Variants in MAN1A2 observed in about 807,000 individuals in gnomAD.
The protein encoded by MAN1A2 is mannosidase alpha class 1A member 2.
A neutral mutation model predicts 75.7 loss-of-function variants in MAN1A2; 26 were observed. The ratio of observed to expected loss-of-function variants is 0.34; its 90% CI spans 0.25 to 0.48. The LOEUF (loss-of-function observed/expected upper bound fraction) is 0.48. MAN1A2 is among the 20% of genes least tolerant of loss of function. The pLI, the probability that MAN1A2 is intolerant of heterozygous loss-of-function variation, is 0.99. For synonymous variants in MAN1A2, 247 were observed against 264.6 expected (o/e 0.93, Z 0.65); for missense variants, 562 against 775.5 (o/e 0.72, Z 3.27).
chr1:117,461,874 A>G (rs1427727553), intron 7 of MAN1A2, among the ~76,000 whole-genome samples: 1 of 152,160 alleles, frequency 6.6e-6, no homozygotes, highest in African/African-American at 2.4e-5. Context: ...ACTCGAAAAG[A>G]CACTTCTAGA....
intron 10 of MAN1A2, among the ~76,000 whole-genome samples, chr1:117,498,673 T>G (rs1471984341): frequency 5.3e-5 from 8 of 151,930 alleles, no homozygotes; most frequent in Non-Finnish European, 1.0e-4. Flanking sequence ...AAAAAATGAT[T>G]ATTTGATTTG....
At chr1:117,491,384 C>T (rs573703869) in intron 8 of MAN1A2, among the ~76,000 whole-genome samples, 1 of 152,132 alleles carries the variant, frequency 6.6e-6, no homozygotes, top group African/African-American at 2.4e-5. Flanking sequence ...GTAAATGGAA[C>T]AACAAAGTTC....
At chr1:117,501,787 G>T (rs1651209786) in intron 11 of MAN1A2, among the ~76,000 whole-genome samples, 1 of 151,694 alleles carries the variant, frequency 6.6e-6, no homozygotes, top group South Asian at 2.1e-4. Flanking sequence ...GGAAGGAGAA[G>T]CCCAGAAGAG....
intron 1 of MAN1A2, among the ~76,000 whole-genome samples, chr1:117,392,200 G>A (rs1653743561): frequency 6.6e-6 from 1 of 151,960 alleles, no homozygotes; most frequent in African/African-American, 2.4e-5. Context: ...AGGCTGCATT[G>A]TTAGCTCAAT....
intron 1 of MAN1A2, among the ~76,000 whole-genome samples, chr1:117,387,960 C>A (rs1653591410): frequency 6.7e-6 from 1 of 149,704 alleles, no homozygotes; most frequent in Admixed American, 6.6e-5. Flanking sequence ...CCAAGGCCCC[C>A]CACCCCCCGC....
intron 4 of MAN1A2, among the ~76,000 whole-genome samples, chr1:117,418,428 G>A (rs1199951524): frequency 6.6e-6 from 1 of 152,046 alleles, no homozygotes; most frequent in Non-Finnish European, 1.5e-5. Flanking sequence ...GAGACCCAAG[G>A]GGAGCCATGT....
chr1:117,387,216 T>G (rs1416922220), intron 1 of MAN1A2, among the ~76,000 whole-genome samples: 1 of 125,550 alleles, frequency 8.0e-6, no homozygotes. Context: ...ATGGCTGTTG[T>G]AAAAAAAAAA....
chr1:117,430,189 G>A (rs1648573569), intron 5 of MAN1A2, among the ~76,000 whole-genome samples: 1 of 93,746 alleles, frequency 1.1e-5, no homozygotes, highest in Non-Finnish European at 2.2e-5. Context: ...CCCGGACGGG[G>A]CGGCTGGCCG....
At chr1:117,491,210 A>G (rs1000787056) in intron 8 of MAN1A2, among the ~76,000 whole-genome samples, 7 of 152,088 alleles carry the variant, frequency 4.6e-5, no homozygotes, top group Admixed American at 2.0e-4. Flanking sequence ...AGAAGATGCC[A>G]TCTCATAGAT....
At chr1:117,437,529 A>G (rs980474169) in intron 5 of MAN1A2, among the ~76,000 whole-genome samples, 3 of 152,140 alleles carry the variant, frequency 2.0e-5, no homozygotes, top group African/African-American at 7.2e-5. Context: ...TTAAGATTAG[A>G]TAATGCAAGG....
intron 6 of MAN1A2, among the ~76,000 whole-genome samples, chr1:117,458,765 C>T (rs993008435): frequency 6.6e-6 from 1 of 151,842 alleles, no homozygotes; most frequent in South Asian, 2.1e-4. Context: ...CTCAGGTAAT[C>T]TGCCCACCTC....
At chr1:117,494,123 A>T (rs905759249) in intron 9 of MAN1A2, 3 of 152,088 alleles carry the variant, frequency 2.0e-5, no homozygotes, top group African/African-American at 7.2e-5. Flanking sequence ...CATTGCTGGT[A>T]ATTGATGGGG....
intron 12 of MAN1A2, among the ~76,000 whole-genome samples, chr1:117,514,492 C>T (rs567960386): frequency 6.4e-4 from 98 of 152,160 alleles, no homozygotes; most frequent in Non-Finnish European, 1.2e-3. Context: ...AGTTTTAATT[C>T]TCTTTTTTAC....
intron 1 of MAN1A2, among the ~76,000 whole-genome samples, chr1:117,390,515 T>A (rs908656029): frequency 3.3e-5 from 5 of 152,028 alleles, no homozygotes; most frequent in Non-Finnish European, 5.9e-5. Context: ...TTTTCCCTTC[T>A]CGTCATTATT....
At chr1:117,418,549 A>G (rs7512060) in intron 4 of MAN1A2, among the ~76,000 whole-genome samples, 7 of 151,974 alleles carry the variant, frequency 4.6e-5, no homozygotes, top group African/African-American at 1.5e-4. Context: ...GTTTAATTTT[A>G]AAAAGGCAAT....
rs1232289253 is a variant in MAN1A2 at position 117,523,234 on chromosome 1, A to G, written c.*277A>G. On this transcript the variant is annotated 3_prime_UTR_variant, in exon 13 of 13. Transcript: ENST00000356554. ...CACATGAGAAATGATACCTGTTACTACTGTATTGTTTTTAGAGTCCTGAAG... is the reference window on the plus strand; with the variant it reads ...CACATGAGAAATGATACCTGTTACTGCTGTATTGTTTTTAGAGTCCTGAAG... The G allele has an allele frequency of 7.2e-6, 4 of 558,160 alleles. No individual in the cohort carries two copies. Among genetic ancestry groups the G allele is most frequent in the African/African-American group, 1.9e-5 (1 of 53,082 alleles). The allele number at this position is 558,160 out of a possible 1,614,324, so 34.6% of individuals were successfully genotyped here.
intron 5 of MAN1A2, among the ~76,000 whole-genome samples, chr1:117,441,783 T>C (rs1649041279): frequency 6.6e-6 from 1 of 152,176 alleles, no homozygotes; most frequent in African/African-American, 2.4e-5. Context: ...TTTTCTTTCC[T>C]TTTCTATCAT....
At chr1:117,372,247 G>A (rs1355950632) in intron 1 of MAN1A2, among the ~76,000 whole-genome samples, 2 of 152,160 alleles carry the variant, frequency 1.3e-5, no homozygotes, top group East Asian at 1.9e-4. Context: ...TCGCAGTGGT[G>A]ATAGTGGAGA....
At chr1:117,467,470 C>A (rs934967201) in intron 8 of MAN1A2, among the ~76,000 whole-genome samples, 1 of 152,036 alleles carries the variant, frequency 6.6e-6, no homozygotes, top group Non-Finnish European at 1.5e-5. Flanking sequence ...GCAGATAGGT[C>A]AATATAATTA....
Sources: allele counts gnomAD v4.1 joint callset (sites outside exome capture counted in the v4.1 genomes callset), GRCh38; gene constraint gnomAD v4.1.1; transcripts MANE v1.5; gene names NCBI Gene and HGNC (gene_info 2026-07-23, HGNC 2026-07-21).